The following LRRIQ1 variants were observed in gnomAD, a reference collection of about 807,000 sequenced individuals.
The protein encoded by LRRIQ1 is leucine rich repeats and IQ motif containing 1.
In LRRIQ1, 210 loss-of-function variants were observed where a neutral mutation model predicts 211.9. The ratio of observed to expected loss-of-function variants is 0.99; its 90% confidence interval spans 0.89 to 1.11. The LOEUF is 1.11. LRRIQ1 is among the 50% of genes most tolerant of loss of function. The pLI, the probability that LRRIQ1 is intolerant of heterozygous loss-of-function variation, is 0.00. For synonymous variants in LRRIQ1, 699 were observed against 650.1 expected (o/e 1.08, Z -1.14); for missense variants, 2,136 against 1,939.5 (o/e 1.10, Z -1.90).
intron 24 of LRRIQ1, among the ~76,000 whole-genome samples, chr12:85,200,852 C>T (rs1310831143): frequency 6.6e-6 from 1 of 151,918 alleles, no homozygotes; most frequent in African/African-American, 2.4e-5. Flanking sequence ...CAGGGTCTCA[C>T]TCTGTCACCC....
chr12:85,044,872 C>T, intron 4 of LRRIQ1, 63 bp downstream of exon 4: 1 of 680,540 alleles, frequency 1.5e-6, no homozygotes, highest in Non-Finnish European at 2.5e-6. Context: ...CTCTCTTACA[C>T]AAGATTGATA....
intron 24 of LRRIQ1, among the ~76,000 whole-genome samples, chr12:85,167,996 A>G (rs559165821): frequency 2.6e-5 from 4 of 152,196 alleles, no homozygotes; most frequent in African/African-American, 7.2e-5. Context: ...TTTATGGCAC[A>G]TTATAAAGGA....
intron 11 of LRRIQ1, among the ~76,000 whole-genome samples, chr12:85,077,868 G>A (rs1189157769): frequency 6.6e-6 from 1 of 151,972 alleles, no homozygotes; most frequent in Non-Finnish European, 1.5e-5. Context: ...CATGCTTGTA[G>A]CTCCAGCTAC....
rs898590379 is a variant in LRRIQ1, at chr12:85,151,633, T to C, written c.4330-647T>C. On this transcript the variant is annotated intron_variant, in intron 19 of 26. Coordinates refer to ENST00000393217, the MANE Select transcript of LRRIQ1 (RefSeq NM_001079910.2). ...CAGGTTCCATTGTGGAAAGATAGAGTAAATTTGGAAATTCCATAAATTGGA... is the reference window on the plus strand; with the variant it reads ...CAGGTTCCATTGTGGAAAGATAGAGCAAATTTGGAAATTCCATAAATTGGA... 4.0e-5 allele frequency among the ~76,000 whole-genome samples: 6 copies of C among 151,634 alleles called. No homozygotes were observed. The Admixed American group carries it at 4.0e-4, about 10-fold the overall frequency.
intron 24 of LRRIQ1, among the ~76,000 whole-genome samples, chr12:85,196,459 G>C (rs1219566683): frequency 6.6e-6 from 1 of 151,990 alleles, no homozygotes; most frequent in African/African-American, 2.4e-5. Context: ...AAACAGCATG[G>C]TACTGGTACC....
intron 24 of LRRIQ1, among the ~76,000 whole-genome samples, chr12:85,161,209 C>T (rs1890855074): frequency 6.6e-6 from 1 of 151,948 alleles, no homozygotes; most frequent in Admixed American, 6.6e-5. Flanking sequence ...GGTGATAGTT[C>T]TGATTATATC....
At chr12:85,200,746 A>G (rs1418503707) in intron 24 of LRRIQ1, among the ~76,000 whole-genome samples, 4 of 152,064 alleles carry the variant, frequency 2.6e-5, no homozygotes, top group African/African-American at 7.2e-5. Context: ...AATCACATTT[A>G]TTGATTTCGG....
At chr12:85,261,246 G>A (rs1279860160) in intron 1 of LRRIQ1, among the ~76,000 whole-genome samples, 2 of 152,014 alleles carry the variant, frequency 1.3e-5, no homozygotes, top group Non-Finnish European at 2.9e-5. Flanking sequence ...CTGCTTTTTA[G>A]TGCTGTTCTC....
intron 11 of LRRIQ1, among the ~76,000 whole-genome samples, chr12:85,080,763 G>GT (rs1458308782): frequency 1.3e-5 from 2 of 151,132 alleles, no homozygotes; most frequent in East Asian, 1.9e-4. Context: ...GTTCAGCAAA[G>GT]TTTTTTTATA....
intron 15 of LRRIQ1, among the ~76,000 whole-genome samples, chr12:85,120,545 C>T (rs1275477125): frequency 6.6e-6 from 1 of 152,178 alleles, no homozygotes; most frequent in Non-Finnish European, 1.5e-5. Flanking sequence ...TTTAGAAACA[C>T]TTTGTTGATA....
chr12:85,221,078 C>T (rs1565912136), intron 24 of LRRIQ1, among the ~76,000 whole-genome samples: 1 of 152,026 alleles, frequency 6.6e-6, no homozygotes, highest in Non-Finnish European at 1.5e-5. Context: ...TCCCAAAGTG[C>T]TGGAATTACA....
intron 19 of LRRIQ1, among the ~76,000 whole-genome samples, chr12:85,142,779 C>T (rs10862958): frequency 0.28 from 41,920 of 151,446 alleles, 5,950 homozygotes; most frequent in Admixed American, 0.33. Context: ...CGTTCATTCA[C>T]GTTGTTGCAA....
chr12:85,138,013 T>C (rs1889261138), intron 19 of LRRIQ1, 44 bp downstream of exon 19: 1 of 1,078,988 alleles, frequency 9.3e-7, no homozygotes, highest in Admixed American at 2.5e-5. Context: ...TTAAAATACA[T>C]TAAGTGTACT....
At chr12:85,063,545 T>C (rs1184714593) in intron 8 of LRRIQ1, among the ~76,000 whole-genome samples, 1 of 151,680 alleles carries the variant, frequency 6.6e-6, no homozygotes, top group African/African-American at 2.4e-5. Flanking sequence ...TTACAAATAA[T>C]CCAGTTATAC....
chr12:85,195,540 T>G (rs1355402388), intron 24 of LRRIQ1, among the ~76,000 whole-genome samples: 1 of 152,174 alleles, frequency 6.6e-6, no homozygotes, highest in Non-Finnish European at 1.5e-5. Flanking sequence ...CAATTTAATG[T>G]AATCCAGCAT....
intron 18 of LRRIQ1, among the ~76,000 whole-genome samples, chr12:85,135,754 A>G (rs1314570632): frequency 2.4e-5 from 2 of 82,768 alleles, no homozygotes; most frequent in Non-Finnish European, 5.3e-5. Flanking sequence ...ACAATTTAGT[A>G]GTCTTTAAAA....
At chr12:85,156,111 C>T (rs370168596) in intron 23 of LRRIQ1, among the ~76,000 whole-genome samples, 2 of 151,784 alleles carry the variant, frequency 1.3e-5, no homozygotes, top group East Asian at 3.9e-4. Flanking sequence ...TTTATGGGGA[C>T]TGTTACTCCA....
At chr12:85,106,491 A>T (rs909395773) in intron 14 of LRRIQ1, 31 bp from the exon 15 acceptor site, 2 of 1,426,556 alleles carry the variant, frequency 1.4e-6, no homozygotes, top group Non-Finnish European at 9.9e-7. Context: ...ATCTGTGATG[A>T]TACCTTTCAA....
chr12:85,063,251 G>C (rs1488467822), intron 8 of LRRIQ1, among the ~76,000 whole-genome samples: 5 of 150,952 alleles, frequency 3.3e-5, no homozygotes, highest in African/African-American at 1.2e-4. Flanking sequence ...TGCTTTTGAG[G>C]ACTTAGCCAT....
Sources: allele counts gnomAD v4.1 joint callset (sites outside exome capture counted in the v4.1 genomes callset), GRCh38; gene constraint gnomAD v4.1.1; transcripts MANE v1.5; gene names NCBI Gene and HGNC (gene_info 2026-07-23, HGNC 2026-07-21).